NCOR1: variants seen among roughly 807,000 people sequenced by gnomAD.
NCOR1 encodes the protein protein phosphatase 1, regulatory subunit 109.
Under a neutral mutation model 288.1 loss-of-function variants are expected in NCOR1, and 63 were observed. The ratio of observed to expected loss-of-function variants is 0.22; its 90% CI spans 0.18 to 0.27. NCOR1 has a LOEUF of 0.27. Ranked by LOEUF, NCOR1 falls within the 10% of genes least tolerant of loss-of-function variation. The pLI, the probability that NCOR1 is intolerant of heterozygous loss-of-function variation, is 1.00. For synonymous variants in NCOR1, 1,007 were observed against 1,065.9 expected (o/e 0.94, Z 1.08); for missense variants, 2,397 against 3,019.2 (o/e 0.79, Z 4.83).
chr17:16,033,539 A>G (rs1287955571), intron 45 of NCOR1, among the ~76,000 whole-genome samples: 4 of 152,116 alleles, frequency 2.6e-5, no homozygotes, highest in South Asian at 2.1e-4. Context: ...TAATTTACAT[A>G]TATCTTACAG....
At chr17:16,206,285 CATAA>C (rs1204406848) in intron 1 of NCOR1, among the ~76,000 whole-genome samples, 8 of 148,426 alleles carry the variant, frequency 5.4e-5, no homozygotes, top group African/African-American at 2.5e-5. Flanking sequence ...TGTACATGTG[CATAA>C]ATATTCACAC....
At chr17:16,126,552 C>T (rs2074080770) in intron 14 of NCOR1, among the ~76,000 whole-genome samples, 2 of 152,026 alleles carry the variant, frequency 1.3e-5, no homozygotes, top group African/African-American at 4.8e-5. Context: ...TTTGATAACC[C>T]ATACATAATT....
chr17:16,067,810 T>A (rs933526383), intron 32 of NCOR1, 84 bp downstream of exon 32: 12 of 1,261,384 alleles, frequency 9.5e-6, no homozygotes, highest in Non-Finnish European at 1.3e-5. Flanking sequence ...GCAATTGTAC[T>A]ATATTGTACA....
chr17:16,204,879 C>G (rs1440544923), intron 1 of NCOR1, among the ~76,000 whole-genome samples: 1 of 152,210 alleles, frequency 6.6e-6, no homozygotes, highest in Non-Finnish European at 1.5e-5. Flanking sequence ...TATCTGACTA[C>G]ATAACATTAC....
At chr17:16,114,143 CAAAAAAAAA>C (rs71353770) in intron 18 of NCOR1, among the ~76,000 whole-genome samples, 2 of 17,708 alleles carry the variant, frequency 1.1e-4, no homozygotes, top group South Asian at 4.6e-3. Context: ...TGGCGGCAGG[CAAAAAAAAA>C]AAAAAAAAAA....
At chr17:16,186,353 A>G (rs1181100149) in intron 3 of NCOR1, among the ~76,000 whole-genome samples, 1 of 152,244 alleles carries the variant, frequency 6.6e-6, no homozygotes, top group Admixed American at 6.5e-5. Flanking sequence ...TTTCTACTAA[A>G]TAATATTAAT....
At chr17:16,140,074 G>C (rs79120527) in intron 11 of NCOR1, among the ~76,000 whole-genome samples, 1,694 of 152,222 alleles carry the variant, frequency 0.011, 36 homozygotes, top group African/African-American at 0.038. Context: ...TTTCCTCATG[G>C]AATCAGTCAA....
In NCOR1 at chr17:16,086,324, A is replaced by G; in HGVS notation, c.3135T>C (p.Ala1045=). The change falls in exon 23 of 46, where the codon GCT becomes GCC. Residue 1045 remains alanine (A), a synonymous_variant. Coordinates refer to ENST00000268712, the MANE Select transcript of NCOR1 (RefSeq NM_006311.4). ...PLIPSSKTTV[A]SEKPSFIMGG... Reference sequence around the variant, plus strand: ...CCATTATAAAAGATGGTTTTTCTGAAGCCACTGTGGTTTTGGATGACGGGA... The same window carrying G: ...CCATTATAAAAGATGGTTTTTCTGAGGCCACTGTGGTTTTGGATGACGGGA... 6.2e-7 allele frequency: 1 copy of G among 1,614,156 alleles called. No homozygotes were observed. Among genetic ancestry groups the G allele is most frequent in the Non-Finnish European group, 8.5e-7 (1 of 1,180,006 alleles).
At chr17:16,133,248 C>T (rs541906340) in intron 14 of NCOR1, among the ~76,000 whole-genome samples, 2 of 152,264 alleles carry the variant, frequency 1.3e-5, no homozygotes, top group Non-Finnish European at 2.9e-5. Flanking sequence ...AGATCACAAG[C>T]GTGAGCCATC....
intron 11 of NCOR1, among the ~76,000 whole-genome samples, chr17:16,141,782 A>G (rs1364994093): frequency 6.6e-6 from 1 of 152,220 alleles, no homozygotes; most frequent in East Asian, 1.9e-4. Context: ...AATAGGCTAT[A>G]AATATTTGTT....
chr17:16,092,510 A>C (rs769162929), intron 21 of NCOR1, among the ~76,000 whole-genome samples: 19 of 151,090 alleles, frequency 1.3e-4, no homozygotes, highest in Non-Finnish European at 2.7e-4. Context: ...TCACAATATA[A>C]ATCACACAAG....
At chr17:16,072,019 A>C in intron 29 of NCOR1, 126 bp downstream of exon 29, 1 of 739,716 alleles carries the variant, frequency 1.4e-6, no homozygotes, top group South Asian at 2.3e-5. Context: ...AAAAGTAATA[A>C]CCAAGACTTT....
intron 14 of NCOR1, among the ~76,000 whole-genome samples, chr17:16,129,323 T>C (rs892323025): frequency 3.9e-5 from 6 of 152,222 alleles, no homozygotes; most frequent in African/African-American, 1.4e-4. Flanking sequence ...GTCCTCATTG[T>C]GACCTTTGAA....
intron 3 of NCOR1, among the ~76,000 whole-genome samples, chr17:16,185,069 A>G (rs1319871359): frequency 6.6e-6 from 1 of 151,188 alleles, no homozygotes; most frequent in Non-Finnish European, 1.5e-5. Flanking sequence ...AACAGTGGTT[A>G]CCAGGGGCAG....
chr17:16,082,753 A>C (rs2063590682), intron 23 of NCOR1, among the ~76,000 whole-genome samples: 2 of 150,336 alleles, frequency 1.3e-5, no homozygotes, highest in Admixed American at 6.6e-5. Context: ...AAGTACAAGA[A>C]TGATACTTCA....
chr17:16,039,780 C>CCCA, intron 43 of NCOR1, 126 bp from the exon 44 acceptor site: 2 of 826,498 alleles, frequency 2.4e-6, no homozygotes, highest in Non-Finnish European at 3.8e-6. Flanking sequence ...AATACCAGGA[C>CCCA]CCACCACACA....
intron 1 of NCOR1, among the ~76,000 whole-genome samples, chr17:16,202,811 ACT>A (rs963555391): frequency 9.9e-5 from 15 of 151,900 alleles, no homozygotes; most frequent in Non-Finnish European, 1.6e-4. Context: ...TTATGAACAG[ACT>A]CTGTTTTTTG....
chr17:16,060,083 G>A (rs1240824675), intron 37 of NCOR1, among the ~76,000 whole-genome samples: 3 of 152,176 alleles, frequency 2.0e-5, no homozygotes, highest in Non-Finnish European at 4.4e-5. Context: ...TGTTCTTGAA[G>A]CCTTAAGGGG....
At chr17:16,207,066 G>A (rs568815494) in intron 1 of NCOR1, among the ~76,000 whole-genome samples, 74 of 151,960 alleles carry the variant, frequency 4.9e-4, no homozygotes, top group African/African-American at 1.2e-3. Flanking sequence ...GTATATTTAC[G>A]TTCTGCATAT....
Sources: allele counts gnomAD v4.1 joint callset (sites outside exome capture counted in the v4.1 genomes callset), GRCh38; gene constraint gnomAD v4.1.1; transcripts MANE v1.5; gene names NCBI Gene and HGNC (gene_info 2026-07-23, HGNC 2026-07-21).